Variants in OR1F1 observed in about 807,000 individuals in gnomAD.
The protein encoded by OR1F1 is olfactory receptor 1F1.
For missense variants in OR1F1, 493 were observed against 376.3 expected (o/e 1.31, Z -2.57); for synonymous variants, 184 against 156.7 (o/e 1.17, Z -1.30).
chr16:3,204,859 C>G (rs1475958398), exon 1 of OR1F1: 2 of 1,614,056 alleles, frequency 1.2e-6, no homozygotes, highest in South Asian at 1.1e-5. Context: ...TGAGGGTGCC[C>G]TGGTCATGAT....
At chr16:3,191,557 G>C in the OR1F1 span, among the ~76,000 whole-genome samples, 1 of 152,080 alleles carries the variant, frequency 6.6e-6, no homozygotes, top group African/African-American at 2.4e-5. Flanking sequence ...TCGTGGGTTC[G>C]AGCCCCACGT....
chr16:3,205,221 A>G, downstream of OR1F1: 1 of 1,505,838 alleles, frequency 6.6e-7, no homozygotes, highest in Middle Eastern at 2.1e-4. Context: ...TCCCAAGGAA[A>G]TTTATTTTTC....
the OR1F1 span, among the ~76,000 whole-genome samples, chr16:3,191,014 CAT>C: frequency 6.6e-6 from 1 of 152,184 alleles, no homozygotes; most frequent in Non-Finnish European, 1.5e-5. Context: ...GGAACAGCTA[CAT>C]GCACGTCACA....
chr16:3,194,660 T>A, the OR1F1 span, among the ~76,000 whole-genome samples: 1 of 152,090 alleles, frequency 6.6e-6, no homozygotes, highest in African/African-American at 2.4e-5. Flanking sequence ...AAAAAGATTC[T>A]AGTAAAATGG....
the OR1F1 span, chr16:3,188,215 A>G: frequency 1.3e-5 from 2 of 151,198 alleles, no homozygotes; most frequent in East Asian, 1.9e-4. Context: ...AGGACAGGAG[A>G]CTAGGAAGGC....
chr16:3,204,814 T>G (rs1958183409), exon 1 of OR1F1: 1 of 1,614,032 alleles, frequency 6.2e-7, no homozygotes, highest in Admixed American at 1.7e-5. Context: ...ACTCTCCTGC[T>G]CAGACACACA....
chr16:3,193,677 AGCCTCCACTTCCTAG>A, the OR1F1 span, among the ~76,000 whole-genome samples: 1 of 152,154 alleles, frequency 6.6e-6, no homozygotes, highest in Admixed American at 6.5e-5. Context: ...GGCTCCCTGC[AGCCTCCACTTCCTAG>A]GCTCAAGCGA....
exon 1 of OR1F1, chr16:3,204,525 C>T: frequency 6.2e-7 from 1 of 1,614,220 alleles, no homozygotes; most frequent in Non-Finnish European, 8.5e-7. Context: ...AGACCATCTC[C>T]TTCTGTGGCT....
upstream of OR1F1, among the ~76,000 whole-genome samples, chr16:3,199,280 G>A (rs1297325473): frequency 1.3e-5 from 2 of 151,726 alleles, no homozygotes; most frequent in African/African-American, 2.4e-5. Context: ...TCCAGCCTAG[G>A]CAACAGAGGG....
chr16:3,194,975 T>G, the OR1F1 span, among the ~76,000 whole-genome samples: 1 of 152,202 alleles, frequency 6.6e-6, no homozygotes, highest in Non-Finnish European at 1.5e-5. Flanking sequence ...GGTGGAGTCT[T>G]GGCATCGGTC....
the OR1F1 span, among the ~76,000 whole-genome samples, chr16:3,195,319 A>T: frequency 2.6e-5 from 4 of 152,248 alleles, no homozygotes; most frequent in Non-Finnish European, 5.9e-5. Flanking sequence ...GGCAAAAAAC[A>T]AAACAACAAA....
chr16:3,190,841 G>C, the OR1F1 span, among the ~76,000 whole-genome samples: 3 of 151,648 alleles, frequency 2.0e-5, no homozygotes, highest in African/African-American at 7.3e-5. Flanking sequence ...CAAACATTTT[G>C]GATGCAGACT....
chr16:3,196,471 C>A, the OR1F1 span, among the ~76,000 whole-genome samples: 2 of 151,828 alleles, frequency 1.3e-5, no homozygotes, highest in Non-Finnish European at 1.5e-5. Flanking sequence ...GCATCCTTGA[C>A]CTCCCAGGCT....
At chr16:3,203,708 G>A (rs150021487), upstream of OR1F1, among the ~76,000 whole-genome samples, 169 of 152,310 alleles carry the variant, frequency 1.1e-3, no homozygotes, top group African/African-American at 3.6e-3. Context: ...AGGTTGCAGC[G>A]AGCCAAGATC....
upstream of OR1F1, among the ~76,000 whole-genome samples, chr16:3,200,328 G>T (rs969498063): frequency 3.3e-5 from 5 of 152,220 alleles, no homozygotes; most frequent in African/African-American, 1.2e-4. Flanking sequence ...TGAGGAAAAA[G>T]GCTGGGCATG....
chr16:3,200,551 T>C (rs1311194437), upstream of OR1F1, among the ~76,000 whole-genome samples: 1 of 152,180 alleles, frequency 6.6e-6, no homozygotes, highest in Non-Finnish European at 1.5e-5. Flanking sequence ...TGAGCCAAGA[T>C]TGCGCCACTG....
chr16:3,202,717 A>G (rs540805449), upstream of OR1F1, among the ~76,000 whole-genome samples: 1 of 149,872 alleles, frequency 6.7e-6, no homozygotes, highest in African/African-American at 2.4e-5. Flanking sequence ...ACAATTTAAT[A>G]TCTTCAGCCT....
At chr16:3,190,337 C>A in the OR1F1 span, among the ~76,000 whole-genome samples, 3 of 152,192 alleles carry the variant, frequency 2.0e-5, no homozygotes, top group South Asian at 4.1e-4. Flanking sequence ...AGGACTGGGG[C>A]CTCCTCTGGT....
chr16:3,201,588 T>G (rs1352081038), upstream of OR1F1, among the ~76,000 whole-genome samples: 1 of 152,232 alleles, frequency 6.6e-6, no homozygotes, highest in South Asian at 2.1e-4. Context: ...GATTCCCGCA[T>G]GGAATGGATT....
Sources: gnomAD v4.1 joint callset for allele counts (sites outside exome capture counted in the v4.1 genomes callset) on GRCh38, gnomAD v4.1.1 for gene constraint, MANE v1.5 for transcripts, NCBI Gene and HGNC (gene_info 2026-07-23, HGNC 2026-07-21) for gene names.